MAGI3: variants seen among roughly 807,000 people sequenced by gnomAD.
The protein encoded by MAGI3 is membrane associated guanylate kinase, WW and PDZ domain containing 3.
MAGI3 carries 43 observed loss-of-function variants against 121.8 expected under a neutral mutation model. The ratio of observed to expected loss-of-function variants is 0.35; its 90% CI spans 0.28 to 0.46. The LOEUF (loss-of-function observed/expected upper bound fraction) is 0.46, where lower values mean the gene tolerates loss of function less well. Among genes scored for constraint, MAGI3 ranks in the 20% least tolerant of loss-of-function variants. The pLI is 1.00. For synonymous variants in MAGI3, 553 were observed against 639.3 expected (o/e 0.86, Z 2.04); for missense variants, 1,547 against 1,797.3 (o/e 0.86, Z 2.52).
intron 1 of MAGI3, 108 bp from the exon 2 acceptor site, chr1:113,549,407 T>C (rs1443711185): frequency 1.7e-6 from 1 of 574,502 alleles, no homozygotes; most frequent in African/African-American, 1.9e-5. Context: ...CTTTATCCTG[T>C]TTATAGCTAA....
chr1:113,408,207 TG>T (rs1433641175), intron 1 of MAGI3, among the ~76,000 whole-genome samples: 1 of 152,164 alleles, frequency 6.6e-6, no homozygotes, highest in Non-Finnish European at 1.5e-5. Flanking sequence ...CTTTTTTTGC[TG>T]TATGTTTGTT....
Position 113,643,660 on chromosome 1 carries a change from T to C in MAGI3, c.1967-83T>C, listed in dbSNP as rs1652673092. The C allele has an allele frequency of 6.8e-6, 9 of 1,319,130 alleles. No homozygotes were observed. In the South Asian group the frequency reaches 9.5e-5, roughly 14 times the overall value. 81.7% of individuals were successfully genotyped at this position (1,319,130 alleles called of 1,614,324 possible). A position where few individuals can be genotyped will look rare whatever the true frequency, so the allele number is the denominator to read the frequency against. Reference sequence around the variant, plus strand: ...TTACTAGCGTACTAAAAGTTGAAGCTAGTTTTATCGTAAACATTAGCAGTA... The same window carrying C: ...TTACTAGCGTACTAAAAGTTGAAGCCAGTTTTATCGTAAACATTAGCAGTA... On this transcript the variant is annotated intron_variant, in intron 10 of 20. Coordinates refer to ENST00000307546, the MANE Select transcript of MAGI3 (RefSeq NM_001142782.2).
At chr1:113,441,482 A>T (rs1653909780) in intron 1 of MAGI3, among the ~76,000 whole-genome samples, 1 of 152,174 alleles carries the variant, frequency 6.6e-6, no homozygotes, top group Admixed American at 6.5e-5. Context: ...TGGGTTGTGT[A>T]CTATTATTGC....
At chr1:113,619,590 A>G (rs900276335) in intron 7 of MAGI3, 146 bp from the exon 8 acceptor site, 5 of 518,444 alleles carry the variant, frequency 9.6e-6, no homozygotes, top group African/African-American at 7.9e-5. Context: ...CCCCTCTGCT[A>G]TCATCTATCA....
At chr1:113,419,133 G>C (rs1425855466) in intron 1 of MAGI3, among the ~76,000 whole-genome samples, 3 of 151,988 alleles carry the variant, frequency 2.0e-5, no homozygotes, top group African/African-American at 7.3e-5. Flanking sequence ...AGTAAATATA[G>C]AGTTTAGGGG....
intron 9 of MAGI3, among the ~76,000 whole-genome samples, chr1:113,625,086 A>G (rs1052555107): frequency 2.0e-5 from 3 of 152,078 alleles, no homozygotes; most frequent in Non-Finnish European, 2.9e-5. Context: ...ATCTTCCTTT[A>G]GTTACTATAG....
chr1:113,582,525 T>C (rs750537281), intron 3 of MAGI3, among the ~76,000 whole-genome samples: 4 of 152,028 alleles, frequency 2.6e-5, no homozygotes, highest in Non-Finnish European at 5.9e-5. Context: ...AGGTATAAAA[T>C]TGTATAAAAA....
At chr1:113,471,307 C>T (rs550750056) in intron 1 of MAGI3, among the ~76,000 whole-genome samples, 1 of 152,086 alleles carries the variant, frequency 6.6e-6, no homozygotes, top group Non-Finnish European at 1.5e-5. Context: ...CCTAGAATCA[C>T]TAACAGGAAG....
chr1:113,473,671 G>A (rs1655659639), intron 1 of MAGI3, among the ~76,000 whole-genome samples: 1 of 152,080 alleles, frequency 6.6e-6, no homozygotes, highest in Non-Finnish European at 1.5e-5. Flanking sequence ...TATCATCGAT[G>A]GACATTTGGG....
chr1:113,643,631 G>A, intron 10 of MAGI3, 112 bp from the exon 11 acceptor site: 1 of 954,416 alleles, frequency 1.0e-6, no homozygotes, highest in Non-Finnish European at 1.7e-6. Context: ...GTTAGACACA[G>A]AATTTACTAG....
chr1:113,575,706 G>A (rs899562485), intron 2 of MAGI3, among the ~76,000 whole-genome samples: 10 of 152,216 alleles, frequency 6.6e-5, no homozygotes, highest in Non-Finnish European at 1.5e-4. Context: ...TCCCTTAGCA[G>A]AGCTTGAGCA....
intron 1 of MAGI3, among the ~76,000 whole-genome samples, chr1:113,413,020 T>A (rs920228745): frequency 1.3e-5 from 2 of 152,192 alleles, no homozygotes; most frequent in South Asian, 2.1e-4. Flanking sequence ...GGCCTAACAT[T>A]TAAGTCTTTA....
At chr1:113,545,002 C>T (rs548913417) in intron 1 of MAGI3, among the ~76,000 whole-genome samples, 8 of 150,500 alleles carry the variant, frequency 5.3e-5, no homozygotes, top group African/African-American at 1.2e-4. Flanking sequence ...CAGGAGTTGA[C>T]GGACTCAGGT....
intron 9 of MAGI3, among the ~76,000 whole-genome samples, chr1:113,640,029 G>A (rs1490023189): frequency 6.6e-6 from 1 of 152,102 alleles, no homozygotes; most frequent in Non-Finnish European, 1.5e-5. Flanking sequence ...AAATAAGGTG[G>A]TATTTAAAGA....
In MAGI3 at chr1:113,492,618, C is replaced by T. The variant is rs1235259390; in HGVS notation, c.317-56897C>T. Among the ~76,000 whole-genome samples, 4 of 152,132 alleles carry T rather than the reference C, an allele frequency of 2.6e-5. No individual in the cohort carries two copies. The East Asian group carries it at 5.8e-4, about 22-fold the overall frequency. ...GAGGAAGTTAAATTATCTCTTTTTGCAGATGACATAATCGTATACCTAGAA... is the reference window on the plus strand; with the variant it reads ...GAGGAAGTTAAATTATCTCTTTTTGTAGATGACATAATCGTATACCTAGAA... On this transcript the variant is annotated intron_variant, in intron 1 of 20. Coordinates refer to ENST00000307546, the MANE Select transcript of MAGI3 (RefSeq NM_001142782.2).
chr1:113,513,894 A>C (rs1276112961), intron 1 of MAGI3, among the ~76,000 whole-genome samples: 2 of 152,174 alleles, frequency 1.3e-5, no homozygotes, highest in Non-Finnish European at 2.9e-5. Context: ...CAAAGGGCTA[A>C]TATCCAGAAT....
At chr1:113,418,425 T>G (rs1652565876) in intron 1 of MAGI3, among the ~76,000 whole-genome samples, 1 of 152,184 alleles carries the variant, frequency 6.6e-6, no homozygotes, top group African/African-American at 2.4e-5. Context: ...TTCACTAATC[T>G]GGTATCTTCT....
chr1:113,546,173 T>C (rs530795356), intron 1 of MAGI3, among the ~76,000 whole-genome samples: 26 of 152,352 alleles, frequency 1.7e-4, no homozygotes, highest in Non-Finnish European at 2.9e-4. Flanking sequence ...ATCCAATATA[T>C]TTTTTAATTA....
intron 1 of MAGI3, among the ~76,000 whole-genome samples, chr1:113,398,112 C>A (rs1651215641): frequency 6.6e-6 from 1 of 152,070 alleles, no homozygotes; most frequent in Admixed American, 6.6e-5. Flanking sequence ...ACCTGCAGCC[C>A]CCACCCATTT....
Sources: gnomAD v4.1 joint callset for allele counts (sites outside exome capture counted in the v4.1 genomes callset) on GRCh38, gnomAD v4.1.1 for gene constraint, MANE v1.5 for transcripts, NCBI Gene and HGNC (gene_info 2026-07-23, HGNC 2026-07-21) for gene names.